MARCHF6: variants seen among roughly 807,000 people sequenced by gnomAD.
MARCHF6 encodes membrane associated ring-CH-type finger 6.
Under a neutral mutation model 133.7 loss-of-function variants are expected in MARCHF6, and 31 were observed. The observed-to-expected ratio is 0.23, with a 90% CI of 0.17 to 0.31. The LOEUF (loss-of-function observed/expected upper bound fraction) is 0.31. Ranked by LOEUF, MARCHF6 falls within the 10% of genes least tolerant of loss-of-function variation. MARCHF6 has a pLI of 1.00. For missense variants in MARCHF6, 723 were observed against 1,121.6 expected (o/e 0.64, Z 5.08); for synonymous variants, 395 against 402.5 (o/e 0.98, Z 0.22).
chr5:10,379,123 C>G (rs1371407282), intron 3 of MARCHF6, among the ~76,000 whole-genome samples: 2 of 151,776 alleles, frequency 1.3e-5, no homozygotes, highest in African/African-American at 4.8e-5. Flanking sequence ...CGAACACATG[C>G]AAAAATCTAA....
chr5:10,360,303 C>A (rs1437080599), intron 1 of MARCHF6, among the ~76,000 whole-genome samples: 1 of 151,728 alleles, frequency 6.6e-6, no homozygotes, highest in African/African-American at 2.4e-5. Context: ...GCATGCACCA[C>A]CATGCCTGGC....
In MARCHF6 at chr5:10,359,825, C is replaced by T. The variant is rs559504318; in HGVS notation, c.19+5908C>T. 9.9e-5 allele frequency among the ~76,000 whole-genome samples: 15 copies of T among 152,058 alleles called. 1 individual carries two copies. Among genetic ancestry groups the T allele is most frequent in the African/African-American group, 3.4e-4 (14 of 41,500 alleles). The stretch of plus-strand genomic sequence containing the variant: ...TTCGAGACCAGCCTGGACAACATGG[C>T]GAAACCCTGTCTCTACTAAAAATAG... On this transcript the variant is annotated intron_variant, in intron 1 of 25. Coordinates refer to ENST00000274140, the MANE Select transcript of MARCHF6 (RefSeq NM_005885.4).
chr5:10,355,523 C>T (rs546648856), intron 1 of MARCHF6, among the ~76,000 whole-genome samples: 3 of 152,314 alleles, frequency 2.0e-5, no homozygotes, highest in South Asian at 2.1e-4. Context: ...GAAATATTTT[C>T]ACTGTACTTC....
chr5:10,391,171 C>T (rs1579566856), intron 6 of MARCHF6, among the ~76,000 whole-genome samples: 1 of 152,244 alleles, frequency 6.6e-6, no homozygotes, highest in Admixed American at 6.5e-5. Context: ...CTTGCTCTGT[C>T]ACTCAGGCTG....
At chr5:10,382,326 C>T (rs1335219053) in intron 4 of MARCHF6, among the ~76,000 whole-genome samples, 1 of 151,756 alleles carries the variant, frequency 6.6e-6, no homozygotes, top group Non-Finnish European at 1.5e-5. Flanking sequence ...AGGCGGATCA[C>T]GAGGTCAGGA....
intron 1 of MARCHF6, among the ~76,000 whole-genome samples, chr5:10,374,857 G>C (rs1736675432): frequency 6.6e-6 from 1 of 152,246 alleles, no homozygotes; most frequent in African/African-American, 2.4e-5. Context: ...CAGCAATAGA[G>C]ACAGCTTAAT....
chr5:10,379,746 C>A (rs971246190), intron 3 of MARCHF6, among the ~76,000 whole-genome samples: 2 of 152,064 alleles, frequency 1.3e-5, no homozygotes, highest in African/African-American at 4.8e-5. Flanking sequence ...CAGGCGTGAG[C>A]CACCGCGCCC....
intron 1 of MARCHF6, among the ~76,000 whole-genome samples, chr5:10,376,668 A>G (rs1361225296): frequency 6.6e-6 from 1 of 152,180 alleles, no homozygotes. Flanking sequence ...TGGTTAGCAC[A>G]CAGATAGATC....
intron 10 of MARCHF6, 120 bp from the exon 11 acceptor site, chr5:10,400,664 C>A: frequency 1.3e-6 from 1 of 742,854 alleles, no homozygotes; most frequent in Non-Finnish European, 2.4e-6. Flanking sequence ...GTATTTTTAG[C>A]CTAGTTCTGG....
chr5:10,391,702 A>G lies in MARCHF6; in HGVS notation c.737A>G (p.Asp246Gly), dbSNP rs1320564739. The change falls in exon 7 of 26, where the codon GAT becomes GGT. Residue 246 changes from aspartate (D) to glycine (G), a missense_variant. Around this residue, in one of 4 missense-constraint regions of MARCHF6, gnomAD observed 97 missense variants for 115.4 expected, o/e 0.84. Coordinates refer to ENST00000274140, the MANE Select transcript of MARCHF6 (RefSeq NM_005885.4). ...GAGGAAGATGACGCTGGTGTGGAGG[A>G]TGCGGCAGATGCTAATAACGGAGCC... is the stretch of plus-strand genomic sequence containing the variant. ...NEEEDDAGVE[D>G]AADANNGAQD... 6.3e-7 allele frequency: 1 copy of G among 1,580,404 alleles called. No individual in the cohort carries two copies. The highest frequency in any genetic ancestry group is 1.8e-5 in the Admixed American group (1 of 54,772).
chr5:10,360,144 G>GTTTTTTTTT (rs1164778520), intron 1 of MARCHF6, among the ~76,000 whole-genome samples: 3 of 75,118 alleles, frequency 4.0e-5, no homozygotes, highest in Admixed American at 1.8e-4. Flanking sequence ...ATGTGTGTGT[G>GTTTTTTTTT]TTTTTTTTTT....
chr5:10,398,091 TTTGTGTCTCAGAGAC>T (rs544625945), intron 10 of MARCHF6, among the ~76,000 whole-genome samples: 187 of 152,280 alleles, frequency 1.2e-3, no homozygotes, highest in Non-Finnish European at 2.1e-3. Context: ...TGTCCTATGA[TTTGTGTCTCAGAGAC>T]TTCAGGCAAC....
chr5:10,395,589 A>G (rs1470886037), intron 9 of MARCHF6, among the ~76,000 whole-genome samples: 2 of 152,170 alleles, frequency 1.3e-5, no homozygotes, highest in Admixed American at 6.5e-5. Context: ...GTCCTGTAAT[A>G]TGAAGTTATT....
In MARCHF6 at chr5:10,423,718, G is replaced by T. The variant is rs759183769; in HGVS notation, c.2284-17G>T. Reference sequence around the variant, plus strand: ...AAAAAACAACAGAAATATGTTAAATGGTTTTTAATTCCCTAGGACTGGGCA... The same window carrying T: ...AAAAAACAACAGAAATATGTTAAATTGTTTTTAATTCCCTAGGACTGGGCA... On this transcript the variant is annotated splice_polypyrimidine_tract_variant and intron_variant, in intron 22 of 25. Coordinates refer to ENST00000274140, the MANE Select transcript of MARCHF6 (RefSeq NM_005885.4). 19 of 1,559,540 alleles carry T rather than the reference G, an allele frequency of 1.2e-5. No individual in the cohort carries two copies. Among genetic ancestry groups the T allele is most frequent in the Non-Finnish European group, 1.6e-5 (18 of 1,134,198 alleles).
At chr5:10,375,523 C>T (rs2126683948) in intron 1 of MARCHF6, among the ~76,000 whole-genome samples, 1 of 152,374 alleles carries the variant, frequency 6.6e-6, no homozygotes, top group African/African-American at 2.4e-5. Flanking sequence ...CATCGACCAC[C>T]CAAGGGCTGA....
intron 4 of MARCHF6, among the ~76,000 whole-genome samples, chr5:10,384,996 C>T (rs1017518237): frequency 1.7e-4 from 26 of 152,094 alleles, no homozygotes; most frequent in African/African-American, 5.3e-4. Context: ...ATTCATGCAA[C>T]GGAATACTAC....
chr5:10,418,972 G>C (rs1230488755), intron 22 of MARCHF6, among the ~76,000 whole-genome samples: 1 of 152,186 alleles, frequency 6.6e-6, no homozygotes, highest in Non-Finnish European at 1.5e-5. Flanking sequence ...AACTAGTAGA[G>C]AACAGAGAAG....
intron 1 of MARCHF6, chr5:10,354,122 G>A (rs1229806703): frequency 8.0e-6 from 3 of 376,812 alleles, no homozygotes. Context: ...GCCGCCGAGG[G>A]GGGCGGGGAC....
At chr5:10,427,375 C>G (rs1331243650) in intron 24 of MARCHF6, among the ~76,000 whole-genome samples, 1 of 152,138 alleles carries the variant, frequency 6.6e-6, no homozygotes, top group Non-Finnish European at 1.5e-5. Flanking sequence ...ACATTTTTTT[C>G]ATTGGTTCCT....
Sources: allele counts gnomAD v4.1 joint callset (sites outside exome capture counted in the v4.1 genomes callset), GRCh38; gene constraint gnomAD v4.1.1; regional missense constraint gnomAD v4.1.1; transcripts MANE v1.5; gene names NCBI Gene and HGNC (gene_info 2026-07-23, HGNC 2026-07-21).